CPNE8: variants seen among roughly 807,000 people sequenced by gnomAD.
CPNE8 encodes copine-8.
In CPNE8, 45 loss-of-function variants were observed where a neutral mutation model predicts 81.5. The observed-to-expected ratio is 0.55, with a 90% CI of 0.44 to 0.71. The LOEUF is 0.71. CPNE8 is among the 30% of genes least tolerant of loss of function. The pLI is 0.00. For missense variants in CPNE8, 594 were observed against 672.1 expected (o/e 0.88, Z 1.28); for synonymous variants, 252 against 226.3 (o/e 1.11, Z -1.02).
intron 1 of CPNE8, among the ~76,000 whole-genome samples, chr12:38,878,360 G>C (rs560601074): frequency 6.6e-6 from 1 of 152,108 alleles, no homozygotes; most frequent in Non-Finnish European, 1.5e-5. Flanking sequence ...TGTATTTTGC[G>C]TGAAATGTAA....
At chr12:38,669,057 A>T (rs927192817) in intron 19 of CPNE8, among the ~76,000 whole-genome samples, 1 of 152,048 alleles carries the variant, frequency 6.6e-6, no homozygotes, top group African/African-American at 2.4e-5. Context: ...GCCTCAAAAA[A>T]AAAAATAAAA....
intron 6 of CPNE8, among the ~76,000 whole-genome samples, chr12:38,801,239 G>A (rs1331913018): frequency 7.4e-5 from 3 of 40,564 alleles, no homozygotes; most frequent in Admixed American, 6.0e-4. Context: ...AGGAAAAAAT[G>A]TTAAGGGCAG....
intron 6 of CPNE8, among the ~76,000 whole-genome samples, chr12:38,777,530 A>C (rs1267570580): frequency 6.6e-6 from 1 of 152,190 alleles, no homozygotes; most frequent in East Asian, 1.9e-4. Context: ...ACAGTAGTAT[A>C]ATGTCTCAGG....
chr12:38,769,864 A>G (rs1330836695), intron 7 of CPNE8, among the ~76,000 whole-genome samples: 1 of 152,196 alleles, frequency 6.6e-6, no homozygotes, highest in Non-Finnish European at 1.5e-5. Flanking sequence ...ACTGATTCAA[A>G]ATAAAGATTT....
intron 5 of CPNE8, among the ~76,000 whole-genome samples, chr12:38,832,474 A>C (rs1209470842): frequency 1.1e-4 from 17 of 152,208 alleles, no homozygotes. Flanking sequence ...GAAGGAAAAC[A>C]GTACTGTGGC....
intron 10 of CPNE8, among the ~76,000 whole-genome samples, chr12:38,760,499 G>A (rs1253757904): frequency 6.8e-6 from 1 of 147,138 alleles, no homozygotes; most frequent in African/African-American, 2.6e-5. Flanking sequence ...AAGCTTACTT[G>A]TGTTCCCTTG....
chr12:38,773,612 T>C (rs1337402867), intron 7 of CPNE8, among the ~76,000 whole-genome samples: 2 of 152,160 alleles, frequency 1.3e-5, no homozygotes, highest in Admixed American at 6.5e-5. Context: ...CTAAAGCTTA[T>C]GTTCATTGTA....
chr12:38,742,730 G>A (rs1941139415), intron 10 of CPNE8, among the ~76,000 whole-genome samples: 1 of 144,206 alleles, frequency 6.9e-6, no homozygotes, highest in Non-Finnish European at 1.6e-5. Flanking sequence ...TAAACCATAG[G>A]AAGAATGGCA....
At chr12:38,657,100 G>T (rs1938838456) in intron 19 of CPNE8, among the ~76,000 whole-genome samples, 1 of 152,178 alleles carries the variant, frequency 6.6e-6, no homozygotes, top group Non-Finnish European at 1.5e-5. Flanking sequence ...AGTGCAAGGG[G>T]TTGGGGGATT....
At chr12:38,696,125 C>T (rs1240227100) in intron 14 of CPNE8, among the ~76,000 whole-genome samples, 1 of 152,146 alleles carries the variant, frequency 6.6e-6, no homozygotes, top group Non-Finnish European at 1.5e-5. Context: ...ACATGCATAG[C>T]TGGGCCCTTT....
At chr12:38,819,766 C>CAAAAAA (rs71068584) in intron 6 of CPNE8, among the ~76,000 whole-genome samples, 1 of 65,298 alleles carries the variant, frequency 1.5e-5, no homozygotes, top group Non-Finnish European at 2.8e-5. Context: ...GACTCCGTCT[C>CAAAAAA]AAAAAAAAAA....
chr12:38,695,506 T>C (rs1452547077), intron 14 of CPNE8, among the ~76,000 whole-genome samples: 1 of 152,208 alleles, frequency 6.6e-6, no homozygotes, highest in Non-Finnish European at 1.5e-5. Flanking sequence ...CTTGACCCCT[T>C]TGCAATGGTC....
At position 38,723,779 on chromosome 12, in the gene CPNE8, T is replaced by G. The variant is rs536470795; in HGVS notation, c.907A>C (p.Lys303Gln). The change falls in exon 13 of 20, where the codon AAG (lysine) becomes CAG (glutamine). Residue 303 changes from lysine (K) to glutamine (Q), a missense_variant. By Grantham distance (53) the Lys-to-Gln change is moderately conservative. Transcript: ENST00000331366. ...TTTGAGAGAATTACTTACCCTCCCT[T>G]AATGTAGTCAAGGAATGAAACTTCT... ...ETEVSFLDYI[K>Q]GGTQINFTVA... is the part of the protein sequence containing the mutation. The G allele has an allele frequency of 6.3e-7, 1 of 1,579,086 alleles. No individual in the cohort carries two copies. The highest frequency in any genetic ancestry group is 1.4e-5 in the African/African-American group (1 of 73,918).
chr12:38,730,314 G>A lies in CPNE8; in HGVS notation c.767C>T (p.Ser256Phe). 1 of 1,598,652 alleles carries A rather than the reference G, an allele frequency of 6.3e-7. No individual in the cohort carries two copies. Residue 256 changes from serine to phenylalanine, a missense_variant, in exon 11 of 20, where the codon TCT becomes TTT. Coordinates refer to ENST00000331366, the MANE Select transcript of CPNE8 (RefSeq NM_153634.3). ...GEFTTSYREL[S>F]RGQSQFNVYE... Reference sequence around the variant, plus strand: ...TACGTTGAATTGTGACTGCCCTCTAGAAAGTTCCCTATAGCTTGTTGTAAA... The same window carrying A: ...TACGTTGAATTGTGACTGCCCTCTAAAAAGTTCCCTATAGCTTGTTGTAAA...
At position 38,797,364 on chromosome 12, in the gene CPNE8, T is replaced by G. The variant is rs34731320; in HGVS notation, c.408-21063A>C. ...TCTGAGACAAAACTTCCAGAGGAACTAGCAGACGGCAGCATTCGTGTTTCA... is the reference window on the plus strand; with the variant it reads ...TCTGAGACAAAACTTCCAGAGGAACGAGCAGACGGCAGCATTCGTGTTTCA... On this transcript the variant is annotated intron_variant, in intron 6 of 19. Coordinates refer to ENST00000331366, the MANE Select transcript of CPNE8 (RefSeq NM_153634.3). 4.1e-3 allele frequency among the ~76,000 whole-genome samples: 617 copies of G among 152,232 alleles called. 3 individuals carry two copies. Among genetic ancestry groups the G allele is most frequent in the Middle Eastern group, 0.017 (5 of 294 alleles).
chr12:38,678,246 G>A lies in CPNE8; in HGVS notation c.1272-692C>T, dbSNP rs368125754. 1.8e-3 allele frequency among the ~76,000 whole-genome samples: 272 copies of A among 151,904 alleles called. 2 individuals carry two copies. Among genetic ancestry groups the A allele is most frequent in the East Asian group, 9.5e-3 (49 of 5,172 alleles). On this transcript the variant is annotated intron_variant, in intron 16 of 19. Transcript: ENST00000331366. ...ATGTTAAATCTATGAAAGATGAGAC[G>A]GAGAGTTATTTCAAAGCACAAAATT...
At chr12:38,770,847 G>T (rs1392171332) in intron 7 of CPNE8, among the ~76,000 whole-genome samples, 1 of 152,080 alleles carries the variant, frequency 6.6e-6, no homozygotes, top group Non-Finnish European at 1.5e-5. Flanking sequence ...GAGGCCCAGT[G>T]ATTCCCCCAA....
intron 19 of CPNE8, among the ~76,000 whole-genome samples, chr12:38,664,357 T>C (rs1032576677): frequency 5.3e-5 from 8 of 152,104 alleles, no homozygotes; most frequent in African/African-American, 1.7e-4. Flanking sequence ...ATTTGTAATA[T>C]GTATTATATA....
At chr12:38,722,400 T>C (rs1198740849) in intron 13 of CPNE8, among the ~76,000 whole-genome samples, 4 of 152,146 alleles carry the variant, frequency 2.6e-5, no homozygotes, top group East Asian at 1.9e-4. Flanking sequence ...GGTATTTTGC[T>C]TGTTTGTTTG....
Sources: allele counts gnomAD v4.1 joint callset (sites outside exome capture counted in the v4.1 genomes callset), GRCh38; gene constraint gnomAD v4.1.1; transcripts MANE v1.5; gene names NCBI Gene and HGNC (gene_info 2026-07-23, HGNC 2026-07-21).